The following SECISBP2L variants were observed in gnomAD, a reference collection of about 807,000 sequenced individuals.
The protein encoded by SECISBP2L is selenocysteine insertion sequence-binding protein 2-like.
Under a neutral mutation model 114.7 loss-of-function variants are expected in SECISBP2L, and 43 were observed. The ratio of observed to expected loss-of-function variants is 0.38; its 90% CI spans 0.29 to 0.48. SECISBP2L has a LOEUF of 0.48. SECISBP2L is among the 20% of genes least tolerant of loss of function. The probability of loss-of-function intolerance (pLI) is 0.98; values close to 1 mark genes in which losing one functional copy is unlikely to be tolerated. For synonymous variants in SECISBP2L, 451 were observed against 439.7 expected, an observed-to-expected ratio of 1.03 and a Z score of -0.32; for missense variants, 1,136 against 1,301.1, an observed-to-expected ratio of 0.87 and a Z score of 1.95.
rs1902792841 is a variant in SECISBP2L at position 49,028,179 on chromosome 15, A to C, written c.895-11T>G. On this transcript the variant is annotated splice_polypyrimidine_tract_variant and intron_variant, in intron 5 of 17. Coordinates refer to ENST00000559471, the MANE Select transcript of SECISBP2L (RefSeq NM_001193489.2). ...AGATGATTCCACATGCTAAAAAAAG[A>C]AACAAAAAGACAATTATACTCTACT... The C allele has an allele frequency of 6.4e-7, 1 of 1,571,950 alleles. No individual in the cohort carries two copies. The highest frequency in any genetic ancestry group is 1.2e-5 in the South Asian group (1 of 85,300).
At chr15:49,001,222 TAAA>T in intron 14 of SECISBP2L, 125 bp from the exon 15 acceptor site, 2 of 634,738 alleles carry the variant, frequency 3.2e-6, no homozygotes, top group Admixed American at 3.4e-5. Flanking sequence ...AAAAGTCTCT[TAAA>T]GAAGTGTTTA....
Position 48,989,660 on chromosome 15 carries a change from T to A in SECISBP2L, c.*2584A>T, listed in dbSNP as rs1233259512. 1 of 152,290 alleles carries A rather than the reference T, an allele frequency of 6.6e-6. No homozygotes were observed. The highest frequency in any genetic ancestry group is 1.9e-4 in the East Asian group (1 of 5,200). 9.4% of individuals were successfully genotyped at this position (152,290 alleles called of 1,614,324 possible). A position where few individuals can be genotyped will look rare whatever the true frequency, so the allele number is the denominator to read the frequency against. On this transcript the variant is annotated 3_prime_UTR_variant, in exon 18 of 18. Coordinates refer to ENST00000559471, the MANE Select transcript of SECISBP2L (RefSeq NM_001193489.2). Reference sequence around the variant, plus strand: ...TAGTTAATATGCTTACATACTGAAATAGAAATCTATTATTAATTATTGCCA... The same window carrying A: ...TAGTTAATATGCTTACATACTGAAAAAGAAATCTATTATTAATTATTGCCA...
Position 49,028,495 on chromosome 15 carries a change from A to G in SECISBP2L, c.852T>C (p.Pro284=). The change falls in exon 5 of 18, where the codon CCT becomes CCC. Residue 284 remains proline (P), a synonymous_variant. Transcript: ENST00000559471. ...CAGGATTTCTCAAAGCCCCTGCTGC[A>G]GGCTGGTTGTTGCTGTGTTTGGGAC... The part of the protein sequence containing the change: ...YCSPKHSNNQ[P]AAGALRNPDS... 1.2e-6 allele frequency: 2 copies of G among 1,614,188 alleles called. No individual in the cohort carries two copies. Among genetic ancestry groups the G allele is most frequent in the Non-Finnish European group, 1.7e-6 (2 of 1,180,016 alleles).
Position 49,011,899 on chromosome 15 carries a change from A to C in SECISBP2L, c.1732-36T>G, listed in dbSNP as rs376443446. The C allele has an allele frequency of 1.9e-6, 3 of 1,601,882 alleles. No individual in the cohort carries two copies. The African/African-American group carries it at 4.0e-5, about 21-fold the overall frequency. The stretch of plus-strand genomic sequence containing the variant: ...TTACACTAGTCTTTAATTACAGATT[A>C]CTCTTCAACTGTGTACAAATGATGA... On this transcript the variant is annotated intron_variant, in intron 12 of 17. Coordinates refer to ENST00000559471, the MANE Select transcript of SECISBP2L (RefSeq NM_001193489.2).
At chr15:49,045,183 T>TAA (rs1566865602) in intron 1 of SECISBP2L, among the ~76,000 whole-genome samples, 5 of 151,402 alleles carry the variant, frequency 3.3e-5, no homozygotes, top group African/African-American at 1.2e-4. Context: ...AAGCTTTTTT[T>TAA]TAAAAAAAAA....
At position 48,996,501 on chromosome 15, in the gene SECISBP2L, G is replaced by C. The variant is rs769766135; in HGVS notation, c.2489C>G (p.Ala830Gly). Reference protein sequence around the residue: ...DMVAAMEQEQAEEALKNVKKV... With the variant: ...DMVAAMEQEQGEEALKNVKKV... ...CTTCACATTCTTTAAGGCTTCCTCA[G>C]CCTGCTCCTGTTCCATTGCTGCAAC... The change falls in exon 17 of 18, where the codon GCT (alanine) becomes GGT (glycine). Residue 830 changes from alanine (A) to glycine (G), a missense_variant. Coordinates refer to ENST00000559471, the MANE Select transcript of SECISBP2L (RefSeq NM_001193489.2). 5 of 1,614,040 alleles carry C rather than the reference G, an allele frequency of 3.1e-6. No individual in the cohort carries two copies. In the South Asian group the frequency reaches 5.5e-5, roughly 18 times the overall value.
rs758339206 is a variant in SECISBP2L, at chr15:49,016,590, T to C, written c.1531A>G (p.Ile511Val). 15 of 1,610,774 alleles carry C rather than the reference T, an allele frequency of 9.3e-6. No individual in the cohort carries two copies. The highest frequency in any genetic ancestry group is 8.5e-6 in the Non-Finnish European group (10 of 1,178,216). Residue 511 changes from isoleucine to valine, a missense_variant, in exon 11 of 18, where the codon ATT becomes GTT. Around this residue, in one of 2 missense-constraint regions of SECISBP2L, gnomAD observed 684 missense variants for 848.7 expected, o/e 0.81. Coordinates refer to ENST00000559471, the MANE Select transcript of SECISBP2L (RefSeq NM_001193489.2). ...KQQQAMKARQ[I>V]TNTRPLSYTV... ...TATGACAGAGGTCTGGTGTTAGTAA[T>C]TTGCCGTGCTTTCATTGCTTGCTGT...
At chr15:49,008,535 G>C (rs1486093540) in intron 14 of SECISBP2L, among the ~76,000 whole-genome samples, 1 of 152,062 alleles carries the variant, frequency 6.6e-6, no homozygotes, top group African/African-American at 2.4e-5. Context: ...TCCAAAGCTA[G>C]GCAGGAAGTA....
intron 8 of SECISBP2L, among the ~76,000 whole-genome samples, 169 bp downstream of exon 8, chr15:49,019,249 T>C (rs186861262): frequency 1.3e-5 from 2 of 152,324 alleles, no homozygotes; most frequent in East Asian, 3.9e-4. Context: ...AGATTAAATA[T>C]ATATAACCAA....
intron 2 of SECISBP2L, 38 bp from the exon 3 acceptor site, chr15:49,035,696 A>G (rs1204906885): frequency 6.4e-7 from 1 of 1,555,350 alleles, no homozygotes; most frequent in African/African-American, 1.4e-5. Flanking sequence ...ATCTATTGAC[A>G]AGTCTAAAAA....
chr15:49,012,557 G>A, intron 12 of SECISBP2L, 91 bp downstream of exon 12: 2 of 1,317,340 alleles, frequency 1.5e-6, no homozygotes, highest in South Asian at 1.3e-5. Flanking sequence ...ACAACAATCT[G>A]TTGGCTAAGA....
chr15:49,015,145 T>C (rs1293337399), intron 11 of SECISBP2L, among the ~76,000 whole-genome samples: 3 of 152,106 alleles, frequency 2.0e-5, no homozygotes, highest in Admixed American at 6.5e-5. Context: ...CACAGGAAGG[T>C]TAAGTAACTT....
chr15:49,014,244 T>C (rs1232140867), intron 11 of SECISBP2L, among the ~76,000 whole-genome samples: 1 of 152,214 alleles, frequency 6.6e-6, no homozygotes, highest in Non-Finnish European at 1.5e-5. Flanking sequence ...TTCTGTAACA[T>C]TACACTCCTT....
At chr15:49,020,650 G>A (rs796514152) in intron 7 of SECISBP2L, among the ~76,000 whole-genome samples, 8 of 151,664 alleles carry the variant, frequency 5.3e-5, no homozygotes, top group African/African-American at 1.9e-4. Flanking sequence ...TAGGACCACA[G>A]GTGTGCACCA....
At chr15:49,014,032 G>C (rs1004213944) in intron 11 of SECISBP2L, among the ~76,000 whole-genome samples, 1 of 151,928 alleles carries the variant, frequency 6.6e-6, no homozygotes, top group Admixed American at 6.6e-5. Context: ...ATTAAACTTC[G>C]AAACAGTTTT....
chr15:49,008,800 G>T (rs1197695630), intron 14 of SECISBP2L, among the ~76,000 whole-genome samples: 1 of 152,132 alleles, frequency 6.6e-6, no homozygotes, highest in Non-Finnish European at 1.5e-5. Flanking sequence ...TGCACAAATA[G>T]CTTTATGTAA....
chr15:49,039,959 T>C (rs1405438422), intron 1 of SECISBP2L, among the ~76,000 whole-genome samples: 2 of 152,258 alleles, frequency 1.3e-5, no homozygotes, highest in South Asian at 4.1e-4. Flanking sequence ...ATCTTAACCA[T>C]ACTAATATAA....
At chr15:49,000,061 G>T in intron 15 of SECISBP2L, 74 bp from the exon 16 acceptor site, 1 of 1,492,772 alleles carries the variant, frequency 6.7e-7, no homozygotes, top group Non-Finnish European at 9.2e-7. Flanking sequence ...GATAGCTAAA[G>T]CATAAAACAT....
chr15:49,003,758 G>A (rs748372605), intron 14 of SECISBP2L, among the ~76,000 whole-genome samples: 1 of 152,104 alleles, frequency 6.6e-6, no homozygotes, highest in Non-Finnish European at 1.5e-5. Context: ...TTGCCATATG[G>A]TAAACCAGCC....
Sources: allele counts gnomAD v4.1 joint callset (sites outside exome capture counted in the v4.1 genomes callset), GRCh38; gene constraint gnomAD v4.1.1; regional missense constraint gnomAD v4.1.1; transcripts MANE v1.5; gene names NCBI Gene and HGNC (gene_info 2026-07-23, HGNC 2026-07-21).